SDK1: variants seen among roughly 807,000 people sequenced by gnomAD.
SDK1 encodes the protein protein sidekick-1.
Under a neutral mutation model 245.5 loss-of-function variants are expected in SDK1, and 157 were observed. That is an observed-to-expected ratio of 0.64 (90% CI 0.56 to 0.73). SDK1 has a LOEUF of 0.73. Ranked by LOEUF, SDK1 falls within the 30% of genes least tolerant of loss-of-function variation. The pLI, the probability that SDK1 is intolerant of heterozygous loss-of-function variation, is 0.00. For missense variants in SDK1, 3,583 were observed against 3,002.3 expected, an observed-to-expected ratio of 1.19 and a Z score of -4.52; for synonymous variants, 1,647 against 1,278.5, an observed-to-expected ratio of 1.29 and a Z score of -6.15.
chr7:3,593,830 CTT>C (rs36026387), intron 1 of SDK1, among the ~76,000 whole-genome samples: 3,490 of 152,280 alleles, frequency 0.023, 77 homozygotes, highest in Non-Finnish European at 0.036. Context: ...CTTCGCAGCT[CTT>C]TTCTCTTTCT....
intron 4 of SDK1, among the ~76,000 whole-genome samples, chr7:3,770,136 G>A (rs1421652116): frequency 6.6e-6 from 1 of 152,036 alleles, no homozygotes; most frequent in Non-Finnish European, 1.5e-5. Context: ...TTGCGGTGAT[G>A]GAACTGTTCT....
intron 5 of SDK1, among the ~76,000 whole-genome samples, chr7:3,870,129 A>G (rs1041503720): frequency 6.6e-6 from 1 of 152,226 alleles, no homozygotes; most frequent in Non-Finnish European, 1.5e-5. Context: ...CTTGGTCAGC[A>G]TTCAGGGAAG....
intron 1 of SDK1, among the ~76,000 whole-genome samples, chr7:3,524,384 TA>T (rs1411842044): frequency 6.6e-6 from 1 of 152,086 alleles, no homozygotes; most frequent in African/African-American, 2.4e-5. Context: ...GGAGATCAAT[TA>T]GGGGGCTGTT....
chr7:4,105,399 CT>C (rs899980831), intron 22 of SDK1, among the ~76,000 whole-genome samples: 4 of 151,960 alleles, frequency 2.6e-5, no homozygotes, highest in Non-Finnish European at 5.9e-5. Flanking sequence ...CTCCACCCCC[CT>C]GGTTCAAGCG....
intron 1 of SDK1, among the ~76,000 whole-genome samples, chr7:3,536,834 T>A (rs923245581): frequency 6.6e-6 from 1 of 152,202 alleles, no homozygotes; most frequent in African/African-American, 2.4e-5. Context: ...CAATTGATAT[T>A]TTATTGGGAA....
intron 5 of SDK1, among the ~76,000 whole-genome samples, chr7:3,869,373 C>G (rs1045707677): frequency 1.3e-5 from 2 of 152,036 alleles, no homozygotes; most frequent in Non-Finnish European, 2.9e-5. Flanking sequence ...CCAGGCTGGT[C>G]TCAAACTCCT....
chr7:3,578,009 G>A (rs1375863700), intron 1 of SDK1, among the ~76,000 whole-genome samples: 5 of 152,076 alleles, frequency 3.3e-5, no homozygotes, highest in African/African-American at 9.7e-5. Context: ...TACAGTGAGA[G>A]AGGTGGCAAT....
chr7:4,085,642 C>T (rs751891596), intron 22 of SDK1, among the ~76,000 whole-genome samples: 24 of 152,168 alleles, frequency 1.6e-4, no homozygotes, highest in South Asian at 2.1e-4. Context: ...GCAACCTCCA[C>T]CTCCCGGGTT....
intron 1 of SDK1, among the ~76,000 whole-genome samples, chr7:3,388,918 A>G (rs1781676419): frequency 6.6e-6 from 1 of 152,202 alleles, no homozygotes; most frequent in South Asian, 2.1e-4. Context: ...CTGGTAATCA[A>G]CAAGTAAACA....
chr7:3,598,022 A>G (rs1032732791), intron 1 of SDK1, among the ~76,000 whole-genome samples: 2 of 152,148 alleles, frequency 1.3e-5, no homozygotes, highest in Non-Finnish European at 2.9e-5. Context: ...GCCTTTTTCT[A>G]AAGTGGTTGT....
chr7:3,468,145 T>C (rs987042357), intron 1 of SDK1, among the ~76,000 whole-genome samples: 4 of 152,148 alleles, frequency 2.6e-5, no homozygotes, highest in African/African-American at 9.7e-5. Flanking sequence ...TTCAGAGATA[T>C]GTTTGACATT....
At chr7:3,762,558 T>C (rs929897800) in intron 4 of SDK1, among the ~76,000 whole-genome samples, 3 of 152,218 alleles carry the variant, frequency 2.0e-5, no homozygotes, top group Non-Finnish European at 2.9e-5. Context: ...TGTGCTTTGG[T>C]TGGTTGGGTA....
intron 4 of SDK1, among the ~76,000 whole-genome samples, chr7:3,808,694 C>T (rs1438302972): frequency 6.6e-6 from 1 of 152,114 alleles, no homozygotes; most frequent in East Asian, 1.9e-4. Context: ...CAGTTTCTAC[C>T]TGATGGCTGT....
At chr7:4,083,087 C>A (rs528575575) in intron 22 of SDK1, among the ~76,000 whole-genome samples, 32 of 152,192 alleles carry the variant, frequency 2.1e-4, no homozygotes, top group South Asian at 1.0e-3. Flanking sequence ...ATGTTAACAG[C>A]TTTATTGAGT....
rs111253954 is a variant in SDK1 at position 3,439,344 on chromosome 7, T to A, written c.298+137460T>A. Among the ~76,000 whole-genome samples, 5 of 152,342 alleles carry A rather than the reference T, an allele frequency of 3.3e-5. 1 individual carries two copies. Among genetic ancestry groups the A allele is most frequent in the African/African-American group, 1.2e-4 (5 of 41,578 alleles). On this transcript the variant is annotated intron_variant, in intron 1 of 44. Transcript: ENST00000404826. ...AAAGCTAATGTTTCTCAAGTCATCATATATGAGTAGCATGCAAGCTCCGGA... is the reference window on the plus strand; with the variant it reads ...AAAGCTAATGTTTCTCAAGTCATCAAATATGAGTAGCATGCAAGCTCCGGA...
chr7:3,974,667 C>T (rs1229175803), intron 13 of SDK1, 122 bp downstream of exon 13: 4 of 844,528 alleles, frequency 4.7e-6, no homozygotes, highest in Non-Finnish European at 7.5e-6. Context: ...CGGTCAGAGG[C>T]CAGCGCATCA....
chr7:3,434,699 C>T (rs762581539), intron 1 of SDK1, among the ~76,000 whole-genome samples: 2 of 152,114 alleles, frequency 1.3e-5, no homozygotes, highest in Non-Finnish European at 2.9e-5. Flanking sequence ...CCAGTTCTCT[C>T]GATTTGCCTC....
rs116599608 is a variant in SDK1, at chr7:3,558,483, T to G, written c.299-60597T>G. 2.2e-3 allele frequency among the ~76,000 whole-genome samples: 335 copies of G among 152,292 alleles called. 4 individuals carry two copies. The highest frequency in any genetic ancestry group is 7.7e-3 in the African/African-American group (320 of 41,554). On this transcript the variant is annotated intron_variant, in intron 1 of 44. Transcript: ENST00000404826. Reference sequence around the variant, plus strand: ...AAAAGATCATAGAGAAGATTAGAATTAGCCTGGCTTGGATCACAGCCCTAC... The same window carrying G: ...AAAAGATCATAGAGAAGATTAGAATGAGCCTGGCTTGGATCACAGCCCTAC...
At chr7:3,865,563 C>T (rs1292751671) in intron 5 of SDK1, among the ~76,000 whole-genome samples, 1 of 152,116 alleles carries the variant, frequency 6.6e-6, no homozygotes, top group African/African-American at 2.4e-5. Flanking sequence ...GGTTGGAGTG[C>T]AGTGGTGTAA....
Sources: allele counts gnomAD v4.1 joint callset (sites outside exome capture counted in the v4.1 genomes callset), GRCh38; gene constraint gnomAD v4.1.1; transcripts MANE v1.5; gene names NCBI Gene and HGNC (gene_info 2026-07-23, HGNC 2026-07-21).